CPNE8: variants seen among roughly 807,000 people sequenced by gnomAD.
CPNE8 encodes copine-8.
A neutral mutation model predicts 81.5 loss-of-function variants in CPNE8; 45 were observed. That is an observed-to-expected ratio of 0.55 (90% CI 0.44 to 0.71). The LOEUF (loss-of-function observed/expected upper bound fraction) is 0.71. Among genes scored for constraint, CPNE8 ranks in the 30% least tolerant of loss-of-function variants. CPNE8 has a pLI of 0.00. For synonymous variants in CPNE8, 252 were observed against 226.3 expected (o/e 1.11, Z -1.02); for missense variants, 594 against 672.1 (o/e 0.88, Z 1.28).
intron 18 of CPNE8, 132 bp downstream of exon 18, chr12:38,675,585 C>T: frequency 1.6e-6 from 1 of 626,270 alleles, no homozygotes; most frequent in Non-Finnish European, 2.8e-6. Context: ...ATTATGGACA[C>T]ATGAACATTA....
intron 3 of CPNE8, among the ~76,000 whole-genome samples, chr12:38,859,502 G>C (rs1250882396): frequency 1.3e-5 from 2 of 152,098 alleles, no homozygotes; most frequent in Non-Finnish European, 2.9e-5. Context: ...TACCCAAAGT[G>C]ATCTTGATCT....
chr12:38,808,574 A>C (rs1331610903), intron 6 of CPNE8, among the ~76,000 whole-genome samples: 1 of 124,448 alleles, frequency 8.0e-6, no homozygotes, highest in Non-Finnish European at 1.6e-5. Flanking sequence ...GGACACAAGA[A>C]GGGGAACATC....
At chr12:38,693,870 C>T in intron 14 of CPNE8, 32 bp from the exon 15 acceptor site, 1 of 1,530,778 alleles carries the variant, frequency 6.5e-7, no homozygotes, top group Admixed American at 2.2e-5. Context: ...CAAACATAAG[C>T]AATTAGGGTA....
intron 16 of CPNE8, among the ~76,000 whole-genome samples, chr12:38,680,544 G>T (rs749191008): frequency 2.0e-5 from 3 of 151,936 alleles, no homozygotes; most frequent in African/African-American, 2.4e-5. Flanking sequence ...AAGATGTAAG[G>T]CATCAAAATA....
intron 3 of CPNE8, among the ~76,000 whole-genome samples, chr12:38,866,961 C>A (rs1199628572): frequency 1.3e-5 from 2 of 152,050 alleles, no homozygotes; most frequent in Non-Finnish European, 2.9e-5. Flanking sequence ...TAGGTTCAAG[C>A]GATTCTCCTG....
intron 13 of CPNE8, among the ~76,000 whole-genome samples, chr12:38,703,325 A>T (rs1397042005): frequency 6.6e-6 from 1 of 152,148 alleles, no homozygotes; most frequent in Non-Finnish European, 1.5e-5. Flanking sequence ...AAAGTGTTGC[A>T]TTGCTAAAAT....
At chr12:38,655,305 G>T (rs1938793174) in intron 19 of CPNE8, among the ~76,000 whole-genome samples, 1 of 152,082 alleles carries the variant, frequency 6.6e-6, no homozygotes, top group Non-Finnish European at 1.5e-5. Flanking sequence ...ATTTATAATG[G>T]TTACTTAAGT....
At chr12:38,906,737 G>T, upstream of CPNE8, 1 of 416,258 alleles carries the variant, frequency 2.4e-6, no homozygotes, top group Non-Finnish European at 3.2e-6. Context: ...TGTTCCCCGC[G>T]CCTTCCCTCC....
chr12:38,796,525 C>A (rs1189745370), intron 6 of CPNE8, among the ~76,000 whole-genome samples: 1 of 151,856 alleles, frequency 6.6e-6, no homozygotes, highest in Non-Finnish European at 1.5e-5. Context: ...AATAGTTGAA[C>A]AACAAAAATA....
intron 16 of CPNE8, among the ~76,000 whole-genome samples, chr12:38,678,273 T>G (rs919178639): frequency 2.6e-5 from 4 of 152,050 alleles, no homozygotes; most frequent in Non-Finnish European, 5.9e-5. Flanking sequence ...CACAAAATTA[T>G]GTATATGATA....
intron 10 of CPNE8, among the ~76,000 whole-genome samples, chr12:38,738,270 C>T (rs1476747876): frequency 6.6e-6 from 1 of 152,056 alleles, no homozygotes; most frequent in East Asian, 1.9e-4. Context: ...GGAAAACATC[C>T]TTTGATCATG....
chr12:38,699,352 G>A (rs1175334137), intron 14 of CPNE8, among the ~76,000 whole-genome samples: 1 of 152,150 alleles, frequency 6.6e-6, no homozygotes, highest in South Asian at 2.1e-4. Flanking sequence ...ACTGGTGCTA[G>A]TCACCTTTTG....
intron 17 of CPNE8, chr12:38,676,354 G>A: frequency 1.0e-6 from 1 of 968,288 alleles, no homozygotes; most frequent in Non-Finnish European, 1.2e-6. Context: ...TAGAAGGTAA[G>A]GAGCATCTAC....
chr12:38,864,057 C>CACA (rs1555168919), intron 3 of CPNE8, among the ~76,000 whole-genome samples: 19,745 of 89,710 alleles, frequency 0.22, 1,716 homozygotes, highest in Non-Finnish European at 0.29. Flanking sequence ...TCATCTCTCA[C>CACA]AAAAAAAAAA....
intron 19 of CPNE8, among the ~76,000 whole-genome samples, chr12:38,664,430 T>C (rs982077659): frequency 3.3e-5 from 5 of 152,102 alleles, no homozygotes; most frequent in Admixed American, 2.6e-4. Context: ...ATATAGTCAA[T>C]ATAAAGCAAT....
intron 3 of CPNE8, among the ~76,000 whole-genome samples, chr12:38,856,597 C>T (rs1409215097): frequency 2.0e-5 from 3 of 152,098 alleles, no homozygotes; most frequent in Non-Finnish European, 2.9e-5. Flanking sequence ...TCTTAGTTTT[C>T]CTATAATATT....
At chr12:38,737,041 A>G (rs2136781929) in intron 10 of CPNE8, among the ~76,000 whole-genome samples, 1 of 152,188 alleles carries the variant, frequency 6.6e-6, no homozygotes, top group African/African-American at 2.4e-5. Flanking sequence ...CTAGAAAAGG[A>G]AGTCTGTGTG....
intron 15 of CPNE8, among the ~76,000 whole-genome samples, chr12:38,692,044 C>T (rs1454830926): frequency 6.6e-6 from 1 of 152,130 alleles, no homozygotes. Context: ...GCAGTCCCAG[C>T]ACTTTGGGAG....
intron 10 of CPNE8, among the ~76,000 whole-genome samples, chr12:38,743,064 A>T (rs1941146423): frequency 6.6e-6 from 1 of 152,118 alleles, no homozygotes; most frequent in African/African-American, 2.4e-5. Context: ...TTAACTAAAT[A>T]CACAATTTAA....
Sources: allele counts gnomAD v4.1 joint callset (sites outside exome capture counted in the v4.1 genomes callset), GRCh38; gene constraint gnomAD v4.1.1; transcripts MANE v1.5; gene names NCBI Gene and HGNC (gene_info 2026-07-23, HGNC 2026-07-21).